DAB1: variants seen among roughly 807,000 people sequenced by gnomAD.
The protein encoded by DAB1 is disabled homolog 1.
Under a neutral mutation model 64.6 loss-of-function variants are expected in DAB1, and 15 were observed. The ratio of observed to expected loss-of-function variants is 0.23; its 90% CI spans 0.16 to 0.36. DAB1 has a LOEUF of 0.36. DAB1 is among the 10% of genes least tolerant of loss of function. DAB1 has a pLI of 1.00. For missense variants in DAB1, 596 were observed against 706.7 expected, an observed-to-expected ratio of 0.84 and a Z score of 1.78; for synonymous variants, 235 against 251.9, an observed-to-expected ratio of 0.93 and a Z score of 0.64.
rs892428521 is a variant in DAB1 at position 58,276,348 on chromosome 1, G to T, written n.309+67004C>A. Among the ~76,000 whole-genome samples the T allele has an allele frequency of 2.6e-5, 4 of 151,762 alleles. No individual in the cohort carries two copies. The East Asian group carries it at 7.7e-4, about 29-fold the overall frequency. ...ATTTAAATTTTAAAATTTTTTTAAAGAAAAAAAAGCAATGTGGCCTCTTTT... is the reference window on the plus strand; with the variant it reads ...ATTTAAATTTTAAAATTTTTTTAAATAAAAAAAAGCAATGTGGCCTCTTTT... On this transcript the variant is annotated intron_variant and non_coding_transcript_variant, in intron 4 of 20. Transcript: ENST00000485760.
At chr1:57,079,052 C>T (rs903531107) in intron 4 of DAB1, among the ~76,000 whole-genome samples, 10 of 152,078 alleles carry the variant, frequency 6.6e-5, no homozygotes, top group Non-Finnish European at 1.5e-5. Flanking sequence ...ATATTCACAA[C>T]ATCCTGTTGA....
chr1:57,774,636 A>C (rs1649709411), intron 6 of DAB1, among the ~76,000 whole-genome samples: 1 of 151,710 alleles, frequency 6.6e-6, no homozygotes, highest in South Asian at 2.1e-4. Flanking sequence ...ATTTTGTCAA[A>C]TGTTTCTTTT....
chr1:57,705,301 C>G (rs915404257), intron 6 of DAB1, among the ~76,000 whole-genome samples: 2 of 152,012 alleles, frequency 1.3e-5, no homozygotes, highest in Admixed American at 1.3e-4. Context: ...AACTGTTAAT[C>G]TTTCAGCATC....
intron 1 of DAB1, among the ~76,000 whole-genome samples, chr1:57,321,555 C>A (rs955188857): frequency 6.6e-6 from 1 of 152,138 alleles, no homozygotes; most frequent in Non-Finnish European, 1.5e-5. Flanking sequence ...CACTTCAAAT[C>A]CAGTATCTGA....
intron 14 of DAB1, among the ~76,000 whole-genome samples, chr1:57,004,451 G>A (rs979135174): frequency 4.6e-5 from 7 of 152,230 alleles, no homozygotes; most frequent in African/African-American, 1.7e-4. Context: ...GATCTCAGAT[G>A]TGAGGTCGAT....
At chr1:57,403,080 G>T (rs1406008669) in intron 1 of DAB1, among the ~76,000 whole-genome samples, 2 of 152,192 alleles carry the variant, frequency 1.3e-5, no homozygotes, top group Non-Finnish European at 2.9e-5. Context: ...TCTTATCCCA[G>T]TTCTAGTCCA....
chr1:58,439,318 G>A (rs1240996473), intron 3 of DAB1, among the ~76,000 whole-genome samples: 4 of 152,078 alleles, frequency 2.6e-5, no homozygotes, highest in African/African-American at 9.7e-5. Context: ...GGGCTGGGCT[G>A]AATACTGCTT....
At chr1:57,818,899 A>G (rs1381132074) in intron 6 of DAB1, among the ~76,000 whole-genome samples, 2 of 152,284 alleles carry the variant, frequency 1.3e-5, no homozygotes, top group South Asian at 2.1e-4. Flanking sequence ...AATTCTAACC[A>G]ATCAACTAGC....
At chr1:58,522,937 G>A (rs1309334402) in intron 2 of DAB1, among the ~76,000 whole-genome samples, 2 of 152,178 alleles carry the variant, frequency 1.3e-5, no homozygotes, top group Admixed American at 1.3e-4. Flanking sequence ...GGTGGCAGAG[G>A]TAGAACGGGA....
At chr1:57,908,955 C>A (rs1569969327) in intron 5 of DAB1, among the ~76,000 whole-genome samples, 1 of 149,978 alleles carries the variant, frequency 6.7e-6, no homozygotes, top group Admixed American at 6.8e-5. Context: ...GTCTTGGGAA[C>A]CAGGTCTATT....
At chr1:58,474,679 G>C (rs1374653762) in intron 3 of DAB1, among the ~76,000 whole-genome samples, 10 of 152,188 alleles carry the variant, frequency 6.6e-5, no homozygotes, top group Admixed American at 5.2e-4. Flanking sequence ...CAGGGACTAT[G>C]GAGCAGGAGA....
intron 7 of DAB1, among the ~76,000 whole-genome samples, chr1:57,583,276 G>GT (rs932561012): frequency 8.9e-5 from 13 of 146,222 alleles, no homozygotes; most frequent in Admixed American, 5.5e-4. Flanking sequence ...TCGGTTTCTT[G>GT]TTTTTTTTCT....
At chr1:58,391,496 T>C (rs985610675) in intron 3 of DAB1, among the ~76,000 whole-genome samples, 8 of 152,208 alleles carry the variant, frequency 5.3e-5, no homozygotes, top group African/African-American at 1.9e-4. Context: ...TAAGAAGGGG[T>C]AAAGCCAGGA....
chr1:57,509,291 T>C (rs1476254147), intron 7 of DAB1, among the ~76,000 whole-genome samples: 1 of 152,140 alleles, frequency 6.6e-6, no homozygotes, highest in Admixed American at 6.6e-5. Context: ...AAAACAGCAC[T>C]GCCACCCCCT....
intron 7 of DAB1, among the ~76,000 whole-genome samples, chr1:57,525,799 A>T (rs1644585396): frequency 6.6e-6 from 1 of 152,176 alleles, no homozygotes; most frequent in African/African-American, 2.4e-5. Context: ...GAGAGTAAAA[A>T]TTTGTTGCAT....
chr1:58,445,383 G>A (rs368132162), intron 3 of DAB1, among the ~76,000 whole-genome samples: 1 of 152,128 alleles, frequency 6.6e-6, no homozygotes, highest in South Asian at 2.1e-4. Context: ...CATGAGACTC[G>A]CCTGAGTACA....
At chr1:58,171,104 C>T (rs765586404) in intron 4 of DAB1, among the ~76,000 whole-genome samples, 9 of 152,160 alleles carry the variant, frequency 5.9e-5, no homozygotes, top group East Asian at 1.9e-4. Flanking sequence ...AAGTCCCACA[C>T]CCTTATTAGG....
intron 6 of DAB1, among the ~76,000 whole-genome samples, chr1:57,662,608 T>A (rs570614877): frequency 1.3e-5 from 2 of 152,330 alleles, no homozygotes; most frequent in South Asian, 4.1e-4. Context: ...AAAGCACATT[T>A]AGCATTAGGC....
intron 7 of DAB1, among the ~76,000 whole-genome samples, chr1:57,069,856 A>G (rs1651284669): frequency 2.0e-5 from 3 of 152,206 alleles, no homozygotes; most frequent in Admixed American, 6.5e-5. Context: ...ACAAACTCTG[A>G]AGAGCTCAGA....
Sources: gnomAD v4.1 joint callset for allele counts (sites outside exome capture counted in the v4.1 genomes callset) on GRCh38, gnomAD v4.1.1 for gene constraint, MANE v1.5 for transcripts, NCBI Gene and HGNC (gene_info 2026-07-23, HGNC 2026-07-21) for gene names.